TFIP11: variants seen among roughly 807,000 people sequenced by gnomAD.
TFIP11 encodes tuftelin interacting protein 11, also known as tuftelin-interacting protein 11.
In TFIP11, 86 loss-of-function variants were observed where a neutral mutation model predicts 96.8. The observed-to-expected ratio is 0.89, with a 90% confidence interval of 0.75 to 1.06. The LOEUF (loss-of-function observed/expected upper bound fraction) is 1.06, where lower values mean the gene tolerates loss of function less well. TFIP11 is among the 50% of genes least tolerant of loss of function. The pLI is 0.00. For missense variants in TFIP11, 881 were observed against 1,076.7 expected, an observed-to-expected ratio of 0.82 and a Z score of 2.54; for synonymous variants, 405 against 395.2, an observed-to-expected ratio of 1.02 and a Z score of -0.29.
intron 4 of TFIP11, among the ~76,000 whole-genome samples, chr22:26,509,704 AC>A: frequency 6.6e-6 from 1 of 152,022 alleles, no homozygotes; most frequent in Non-Finnish European, 1.5e-5. Flanking sequence ...AATAATACAA[AC>A]ATTAGCTGGA....
At chr22:26,509,000 G>A (rs979742844) in intron 4 of TFIP11, among the ~76,000 whole-genome samples, 6 of 152,166 alleles carry the variant, frequency 3.9e-5, no homozygotes, top group African/African-American at 1.4e-4. Context: ...GGGAGAAGAC[G>A]TGCAGCCTGA....
chr22:26,496,014 C>T (rs1921975959), intron 12 of TFIP11, 59 bp downstream of exon 12: 3 of 1,585,012 alleles, frequency 1.9e-6, no homozygotes, highest in African/African-American at 1.3e-5. Context: ...TCACTGCTAA[C>T]CACAGAAACC....
At chr22:26,509,318 T>G (rs1408358526) in intron 4 of TFIP11, among the ~76,000 whole-genome samples, 1 of 152,178 alleles carries the variant, frequency 6.6e-6, no homozygotes, top group Non-Finnish European at 1.5e-5. Flanking sequence ...CTGTCAGTCA[T>G]ATCAGCTTAA....
intron 7 of TFIP11, among the ~76,000 whole-genome samples, chr22:26,502,285 G>A (rs2147138046): frequency 6.6e-6 from 1 of 152,240 alleles, no homozygotes; most frequent in South Asian, 2.1e-4. Flanking sequence ...TACACCAGAT[G>A]GGAGGGAGAA....
intron 11 of TFIP11, 58 bp from the exon 12 acceptor site, chr22:26,496,374 CCT>C (rs1360804082): frequency 1.9e-5 from 29 of 1,534,988 alleles, no homozygotes; most frequent in African/African-American, 6.9e-5. Flanking sequence ...ACATAACACC[CCT>C]GTGTGGCTAA....
intron 6 of TFIP11, among the ~76,000 whole-genome samples, chr22:26,504,165 C>A (rs1454131421): frequency 5.9e-5 from 9 of 152,190 alleles, no homozygotes; most frequent in Admixed American, 6.5e-5. Flanking sequence ...TGCAATAATT[C>A]CAATACTATA....
chr22:26,506,565 A>T (rs1923436081), intron 5 of TFIP11, 106 bp from the exon 6 acceptor site: 1 of 1,434,794 alleles, frequency 7.0e-7, no homozygotes, highest in Admixed American at 2.5e-5. Context: ...CAGCACTATG[A>T]AAAGTGTCAT....
Position 26,510,123 on chromosome 22 carries a change from G to A in TFIP11, c.150C>T (p.Thr50=). The A allele has an allele frequency of 1.2e-6, 2 of 1,614,150 alleles. No homozygotes were observed. The highest frequency in any genetic ancestry group is 1.1e-5 in the South Asian group (1 of 91,084). ...QRHWQTKEEA[T]YGVWAERDSD... is the part of the protein sequence containing the mutation. ...AGTCTCGCTCTGCCCACACCCCGTA[G>A]GTGGCTTCTTCCTTGGTCTGCCAGT... The change falls in exon 4 of 15, where the codon ACC becomes ACT. Residue 50 remains threonine, a synonymous_variant. Coordinates refer to ENST00000407690, the MANE Select transcript of TFIP11 (RefSeq NM_012143.4).
chr22:26,508,152 T>C (rs1349695955), intron 4 of TFIP11, among the ~76,000 whole-genome samples: 1 of 152,148 alleles, frequency 6.6e-6, no homozygotes, highest in African/African-American at 2.4e-5. Context: ...AGGGATGCCT[T>C]GTAAAATGAC....
At chr22:26,495,032 G>T in intron 12 of TFIP11, 93 bp from the exon 13 acceptor site, 2 of 1,546,698 alleles carry the variant, frequency 1.3e-6, no homozygotes, top group Non-Finnish European at 1.8e-6. Context: ...TTTCATCTCA[G>T]CTTACAGCAA....
At chr22:26,506,007 C>A (rs1923366539) in intron 6 of TFIP11, 1 of 224,194 alleles carries the variant, frequency 4.5e-6, no homozygotes, top group Admixed American at 5.3e-5. Context: ...AGCCACCACA[C>A]CCAGCCTCAT....
Position 26,496,059 on chromosome 22 carries a change from C to T in TFIP11, c.1849+14G>A, listed in dbSNP as rs756074473. 1.9e-6 allele frequency: 3 copies of T among 1,610,746 alleles called. No homozygotes were observed. Among genetic ancestry groups the T allele is most frequent in the Middle Eastern group, 1.7e-4 (1 of 5,992 alleles). On this transcript the variant is annotated intron_variant, in intron 12 of 14. Coordinates refer to ENST00000407690, the MANE Select transcript of TFIP11 (RefSeq NM_012143.4). ...AAGCTGCTGGGCTTGGAATGCATTT[C>T]CCCTTATCCTTACCCAGCTTGGGCA...
At position 26,491,951 on chromosome 22, in the gene TFIP11, G is replaced by A; in HGVS notation, c.*62C>T. 2 of 1,455,532 alleles carry A rather than the reference G, an allele frequency of 1.4e-6. No individual in the cohort carries two copies. Among genetic ancestry groups the A allele is most frequent in the Non-Finnish European group, 1.9e-6 (2 of 1,071,248 alleles). 90.2% of individuals were successfully genotyped at this position (1,455,532 alleles called of 1,614,324 possible). The stretch of plus-strand genomic sequence containing the variant: ...CTTTTGAAGGTGATCTAAAAATACT[G>A]TTTATTTACAGTACATCCCTCTTAG... On this transcript the variant is annotated 3_prime_UTR_variant, in exon 15 of 15. Transcript: ENST00000407690.
intron 4 of TFIP11, among the ~76,000 whole-genome samples, chr22:26,508,362 C>G (rs1262143532): frequency 6.6e-6 from 1 of 152,178 alleles, no homozygotes; most frequent in Non-Finnish European, 1.5e-5. Flanking sequence ...ATAATGGTAC[C>G]TTTCTCATAA....
Position 26,492,285 on chromosome 22 carries a change from T to C in TFIP11, c.2242A>G (p.Met748Val). The change falls in exon 15 of 15, where the codon ATG (methionine) becomes GTG (valine). Residue 748 changes from methionine (M) to valine (V), a missense_variant. Transcript: ENST00000407690. ...ERRKDFQYEAMQERREAENMA... is the reference protein window; with the variant it reads ...ERRKDFQYEAVQERREAENMA... ...TTCTCAGCCTCCCGCCTCTCCTGCA[T>C]GGCCTCGTACTGGAAGTCCTTCCTC... 2 of 1,614,224 alleles carry C rather than the reference T, an allele frequency of 1.2e-6. No homozygotes were observed. The highest frequency in any genetic ancestry group is 1.7e-6 in the Non-Finnish European group (2 of 1,180,036).
chr22:26,506,960 C>T (rs1028830789), intron 4 of TFIP11, 32 bp from the exon 5 acceptor site: 10 of 1,604,780 alleles, frequency 6.2e-6, no homozygotes, highest in Non-Finnish European at 8.5e-6. Flanking sequence ...CCCACCAGGT[C>T]GGTAAAGAAC....
At position 26,496,326 on chromosome 22, in the gene TFIP11, G is replaced by T; in HGVS notation, c.1606-10C>A. The stretch of plus-strand genomic sequence containing the variant: ...GGTTCCAGTTTTCCACCTGCGAAGT[G>T]GGGAGGAGAAACAGTTCATGTCGCC... On this transcript the variant is annotated splice_polypyrimidine_tract_variant and intron_variant, in intron 11 of 14. Coordinates refer to ENST00000407690, the MANE Select transcript of TFIP11 (RefSeq NM_012143.4). The T allele has an allele frequency of 6.3e-7, 1 of 1,585,874 alleles. No homozygotes were observed. The highest frequency in any genetic ancestry group is 1.3e-5 in the African/African-American group (1 of 74,544).
chr22:26,507,586 T>C (rs1487176986), intron 4 of TFIP11, among the ~76,000 whole-genome samples: 2 of 148,116 alleles, frequency 1.4e-5, no homozygotes, highest in African/African-American at 5.0e-5. Context: ...ACTATAATCA[T>C]GTCACTGCAC....
At chr22:26,497,379 A>G (rs1213379504) in intron 10 of TFIP11, among the ~76,000 whole-genome samples, 4 of 152,214 alleles carry the variant, frequency 2.6e-5, no homozygotes, top group Admixed American at 2.0e-4. Context: ...TACTGTAGAC[A>G]GAGGCTGTCT....
Sources: allele counts gnomAD v4.1 joint callset (sites outside exome capture counted in the v4.1 genomes callset), GRCh38; gene constraint gnomAD v4.1.1; transcripts MANE v1.5; gene names NCBI Gene and HGNC (gene_info 2026-07-23, HGNC 2026-07-21).